SOX6: variants seen among roughly 807,000 people sequenced by gnomAD.
The protein encoded by SOX6 is SRY-box transcription factor 6.
SOX6 carries 11 observed loss-of-function variants against 97.8 expected under a neutral mutation model. The ratio of observed to expected loss-of-function variants is 0.11; its 90% CI spans 0.07 to 0.19. The LOEUF (loss-of-function observed/expected upper bound fraction) is 0.19. Ranked by LOEUF, SOX6 falls within the 10% of genes least tolerant of loss-of-function variation. SOX6 has a pLI of 1.00. For synonymous variants in SOX6, 360 were observed against 371.4 expected (o/e 0.97, Z 0.35); for missense variants, 810 against 1,039.5 (o/e 0.78, Z 3.04).
At chr11:16,516,857 C>T (rs1217188688) in intron 4 of SOX6, among the ~76,000 whole-genome samples, 1 of 151,286 alleles carries the variant, frequency 6.6e-6, no homozygotes, top group African/African-American at 2.4e-5. Context: ...ATACCAAAGT[C>T]GGGCAGAGAC....
At chr11:16,108,462 A>G (rs1849152192) in intron 7 of SOX6, among the ~76,000 whole-genome samples, 1 of 152,182 alleles carries the variant, frequency 6.6e-6, no homozygotes, top group Non-Finnish European at 1.5e-5. Flanking sequence ...AAGATGCTTT[A>G]TCTTTTAATT....
Position 16,046,594 on chromosome 11 carries a change from G to C in SOX6, c.1543C>G (p.Gln515Glu). 5 of 1,613,794 alleles carry C rather than the reference G, an allele frequency of 3.1e-6. No homozygotes were observed. The highest frequency in any genetic ancestry group is 2.2e-5 in the South Asian group (2 of 91,086). The change falls in exon 12 of 16, where the codon CAG (glutamine) becomes GAG (glutamate). Residue 515 changes from glutamine to glutamate, a missense_variant. Coordinates refer to ENST00000683767, the MANE Select transcript of SOX6 (RefSeq NM_001367873.1). ...TCAACACCATGTGGCTGTTGCTGCTGTTGCTCCCGCTGGATCTGCTCTCGC... is the reference window on the plus strand; with the variant it reads ...TCAACACCATGTGGCTGTTGCTGCTCTTGCTCCCGCTGGATCTGCTCTCGC... ...KMREQIQREQ[Q>E]QQQPHGVDGK...
intron 4 of SOX6, among the ~76,000 whole-genome samples, chr11:16,190,920 G>C (rs768479419): frequency 6.6e-6 from 1 of 152,040 alleles, no homozygotes; most frequent in Non-Finnish European, 1.5e-5. Flanking sequence ...ATGTGTTCAT[G>C]CCACTGTAAT....
At position 16,116,202 on chromosome 11, in the gene SOX6, T is replaced by C. The variant is rs377670301; in HGVS notation, c.778-4279A>G. Among the ~76,000 whole-genome samples, 55 of 152,274 alleles carry C rather than the reference T, an allele frequency of 3.6e-4. No individual in the cohort carries two copies. In the East Asian group the frequency reaches 7.3e-3, roughly 20 times the overall value. ...GTAATAATAGTAATGATGATGATAA[T>C]GATGATGATGACCACAGCAGCTAAT... is the stretch of plus-strand genomic sequence containing the variant. On this transcript the variant is annotated intron_variant, in intron 6 of 15. Transcript: ENST00000683767.
intron 4 of SOX6, among the ~76,000 whole-genome samples, chr11:16,499,061 A>C (rs1008634769): frequency 6.6e-6 from 1 of 152,222 alleles, no homozygotes; most frequent in Non-Finnish European, 1.5e-5. Context: ...GTTGGAAGTA[A>C]AGCACTCCGC....
intron 3 of SOX6, among the ~76,000 whole-genome samples, chr11:16,612,911 C>A (rs1848417155): frequency 6.6e-6 from 1 of 152,158 alleles, no homozygotes; most frequent in Admixed American, 6.5e-5. Flanking sequence ...TCCCCACGCA[C>A]CCTGCCAAAG....
chr11:16,090,488 G>A (rs2133966789), intron 9 of SOX6, among the ~76,000 whole-genome samples: 1 of 151,958 alleles, frequency 6.6e-6, no homozygotes, highest in East Asian at 1.9e-4. Flanking sequence ...CTTTATATTT[G>A]GCATCCTTCC....
intron 5 of SOX6, among the ~76,000 whole-genome samples, chr11:16,184,852 A>G (rs1851429658): frequency 6.6e-6 from 1 of 152,096 alleles, no homozygotes; most frequent in African/African-American, 2.4e-5. Context: ...GTGAGAACAC[A>G]CTCACTGCCA....
At chr11:16,253,318 C>T (rs1222428698) in intron 3 of SOX6, among the ~76,000 whole-genome samples, 2 of 150,182 alleles carry the variant, frequency 1.3e-5, no homozygotes, top group Non-Finnish European at 3.0e-5. Context: ...CATTGCACTC[C>T]AGCGTAGGTA....
intron 4 of SOX6, among the ~76,000 whole-genome samples, chr11:16,530,067 T>C (rs1360475179): frequency 6.6e-6 from 1 of 151,872 alleles, no homozygotes; most frequent in African/African-American, 2.4e-5. Context: ...GGATGACATA[T>C]AACAGAAAAA....
intron 1 of SOX6, among the ~76,000 whole-genome samples, chr11:16,348,375 G>C (rs1856824077): frequency 6.6e-6 from 1 of 152,060 alleles, no homozygotes; most frequent in African/African-American, 2.4e-5. Flanking sequence ...CTAGTGATCA[G>C]CAAAGTGCAA....
intron 3 of SOX6, among the ~76,000 whole-genome samples, chr11:16,258,717 G>T (rs10832575): frequency 0.78 from 118,580 of 151,586 alleles, 46,517 homozygotes; most frequent in Non-Finnish European, 0.8. Flanking sequence ...TATAAACTCT[G>T]GGTGATAATG....
At chr11:16,283,226 A>G (rs559459845) in intron 3 of SOX6, among the ~76,000 whole-genome samples, 1 of 149,740 alleles carries the variant, frequency 6.7e-6, no homozygotes, top group Admixed American at 6.7e-5. Flanking sequence ...GTAGTAGATG[A>G]CTCAAATAGT....
rs1412681916 is a variant in SOX6, at chr11:15,974,518, C to T, written c.2184-1406G>A. ...ATGTGTCATCTAGCATTAGGTATAT[C>T]TCCCAATGCTATCCCTCCCCCCTCC... On this transcript the variant is annotated intron_variant, in intron 15 of 15. Transcript: ENST00000683767. Among the ~76,000 whole-genome samples the T allele has an allele frequency of 2.7e-5, 4 of 148,140 alleles. No individual in the cohort carries two copies. The East Asian group carries it at 6.0e-4, about 22-fold the overall frequency.
intron 3 of SOX6, among the ~76,000 whole-genome samples, chr11:16,292,655 C>T (rs550774379): frequency 6.6e-5 from 10 of 152,236 alleles, no homozygotes; most frequent in African/African-American, 2.2e-4. Context: ...TCCAAGCCTG[C>T]GGTGCTGGGA....
intron 2 of SOX6, 77 bp from the exon 3 acceptor site, chr11:16,318,730 G>T: frequency 8.3e-7 from 1 of 1,203,144 alleles, no homozygotes; most frequent in Non-Finnish European, 1.2e-6. Flanking sequence ...ATCCCAAACT[G>T]AGGACAGTAT....
chr11:16,294,194 G>A (rs1317418096), intron 3 of SOX6, among the ~76,000 whole-genome samples: 1 of 151,880 alleles, frequency 6.6e-6, no homozygotes, highest in Non-Finnish European at 1.5e-5. Flanking sequence ...ATACTCAATG[G>A]ACCCTTCAAA....
chr11:16,159,329 A>G (rs942539353), intron 6 of SOX6, among the ~76,000 whole-genome samples: 1 of 152,132 alleles, frequency 6.6e-6, no homozygotes, highest in Non-Finnish European at 1.5e-5. Flanking sequence ...TAGGATAAAT[A>G]TTACTGTTTC....
chr11:16,183,817 T>G (rs1329704973), intron 6 of SOX6, 69 bp downstream of exon 6: 15 of 1,460,270 alleles, frequency 1.0e-5, no homozygotes, highest in Non-Finnish European at 1.3e-5. Context: ...ATCTGCAGAG[T>G]TTTAAATTCC....
Sources: gnomAD v4.1 joint callset for allele counts (sites outside exome capture counted in the v4.1 genomes callset) on GRCh38, gnomAD v4.1.1 for gene constraint, MANE v1.5 for transcripts, NCBI Gene and HGNC (gene_info 2026-07-23, HGNC 2026-07-21) for gene names.